GNA14: variants seen among roughly 807,000 people sequenced by gnomAD.
The protein encoded by GNA14 is G protein subunit alpha 14.
Under a neutral mutation model 42.0 loss-of-function variants are expected in GNA14, and 50 were observed. That is an observed-to-expected ratio of 1.19 (90% CI 0.95 to 1.51). GNA14 has a LOEUF of 1.51. Among genes scored for constraint, GNA14 ranks in the 40% most tolerant of loss-of-function variants. The pLI is 0.00. For synonymous variants in GNA14, 173 were observed against 163.1 expected, an observed-to-expected ratio of 1.06 and a Z score of -0.46; for missense variants, 473 against 446.2, an observed-to-expected ratio of 1.06 and a Z score of -0.54.
chr9:77,438,112 G>A (rs1564014016), intron 2 of GNA14, among the ~76,000 whole-genome samples: 1 of 152,176 alleles, frequency 6.6e-6, no homozygotes, highest in Non-Finnish European at 1.5e-5. Flanking sequence ...TTAGCCGGGT[G>A]AGGGGAATTT....
chr9:77,471,047 A>G (rs576756745), intron 2 of GNA14, among the ~76,000 whole-genome samples: 1 of 152,280 alleles, frequency 6.6e-6, no homozygotes, highest in East Asian at 1.9e-4. Flanking sequence ...ATCACCTTTG[A>G]GATGAGTTAA....
intron 1 of GNA14, among the ~76,000 whole-genome samples, chr9:77,594,114 C>T (rs1250829123): frequency 7.9e-5 from 12 of 152,132 alleles, no homozygotes; most frequent in African/African-American, 9.7e-5. Flanking sequence ...GAAACTCCAT[C>T]GTGGCACAGA....
At chr9:77,425,236 C>CA (rs1564009902) in intron 6 of GNA14, among the ~76,000 whole-genome samples, 1 of 152,120 alleles carries the variant, frequency 6.6e-6, no homozygotes, top group African/African-American at 2.4e-5. Context: ...AAGGAGGAGG[C>CA]ACCCTTCCTG....
Position 77,624,173 on chromosome 9 carries a change from T to A in GNA14, c.124+23497A>T, listed in dbSNP as rs543397524. ...AGCAGGGAAGTTCCAACAGAGCAGA[T>A]CCCCCCACAGCACTGCAAAGCCGCT... On this transcript the variant is annotated intron_variant, in intron 1 of 6. Coordinates refer to ENST00000341700, the MANE Select transcript of GNA14 (RefSeq NM_004297.4). 5.7e-4 allele frequency among the ~76,000 whole-genome samples: 87 copies of A among 152,104 alleles called. 1 individual carries two copies. The South Asian group carries it at 0.018, about 31-fold the overall frequency.
intron 1 of GNA14, among the ~76,000 whole-genome samples, chr9:77,548,071 G>A (rs1837741810): frequency 6.6e-6 from 1 of 152,134 alleles, no homozygotes; most frequent in African/African-American, 2.4e-5. Context: ...GTTGGAAAAG[G>A]TGCCTGAATC....
intron 2 of GNA14, among the ~76,000 whole-genome samples, chr9:77,490,200 A>G (rs1182648646): frequency 2.0e-5 from 3 of 151,880 alleles, no homozygotes; most frequent in Non-Finnish European, 4.4e-5. Flanking sequence ...ACAGAGTGTC[A>G]AATGGTGCAT....
At chr9:77,614,129 T>C (rs905023930) in intron 1 of GNA14, among the ~76,000 whole-genome samples, 4 of 152,220 alleles carry the variant, frequency 2.6e-5, no homozygotes, top group South Asian at 2.1e-4. Context: ...ATGTTCATGG[T>C]TGGCCAGCTT....
At chr9:77,485,971 C>G (rs1836653676) in intron 2 of GNA14, among the ~76,000 whole-genome samples, 2 of 152,106 alleles carry the variant, frequency 1.3e-5, no homozygotes, top group South Asian at 2.1e-4. Context: ...GGCATTAGTT[C>G]CAACTTAATG....
intron 2 of GNA14, among the ~76,000 whole-genome samples, chr9:77,525,370 A>C (rs1006741457): frequency 2.6e-5 from 4 of 152,064 alleles, no homozygotes; most frequent in Non-Finnish European, 5.9e-5. Flanking sequence ...TCCTTAAGCC[A>C]TTTTAGCATT....
chr9:77,554,400 A>G (rs7035476), intron 1 of GNA14, among the ~76,000 whole-genome samples: 20,132 of 152,186 alleles, frequency 0.13, 1,398 homozygotes, highest in African/African-American at 0.18. Flanking sequence ...TGAGCATGTC[A>G]TGCCTATTAG....
chr9:77,616,788 C>T (rs778417936), intron 1 of GNA14, among the ~76,000 whole-genome samples: 11 of 152,188 alleles, frequency 7.2e-5, no homozygotes, highest in Non-Finnish European at 1.3e-4. Context: ...AATAACTCCA[C>T]CTCCAGCTCT....
In GNA14 at chr9:77,593,508, T is replaced by C. The variant is rs139896080; in HGVS notation, c.124+54162A>G. Among the ~76,000 whole-genome samples, 826 of 152,200 alleles carry C rather than the reference T, an allele frequency of 5.4e-3. 11 individuals carry two copies. The highest frequency in any genetic ancestry group is 0.019 in the African/African-American group (776 of 41,512). ...TATTTTTAGTAGAGATGAGGTTTCA[T>C]CATGTTGGCCAGGCTGGTCTCGAAC... is the stretch of plus-strand genomic sequence containing the variant. On this transcript the variant is annotated intron_variant, in intron 1 of 6. Coordinates refer to ENST00000341700, the MANE Select transcript of GNA14 (RefSeq NM_004297.4).
Position 77,424,112 on chromosome 9 carries a change from T to C in GNA14, c.935A>G (p.Gln312Arg). 6.2e-7 allele frequency: 1 copy of C among 1,613,090 alleles called. No homozygotes were observed. The highest frequency in any genetic ancestry group is 1.1e-5 in the South Asian group (1 of 90,852). Residue 312 changes from glutamine to arginine, a missense_variant, in exon 7 of 7, where the codon CAG becomes CGG. Physicochemically the swap from Gln to Arg is conservative, Grantham distance 43. Coordinates refer to ENST00000341700, the MANE Select transcript of GNA14 (RefSeq NM_004297.4). The part of the protein sequence containing the change: ...RDFILKLYQD[Q>R]NPDKEKVIYS... ...GATGACTTTCTCTTTGTCAGGATTC[T>C]GATCTTGGTAAAGCTTCAGGATAAA...
intron 4 of GNA14, among the ~76,000 whole-genome samples, chr9:77,429,333 C>T (rs770958945): frequency 4.6e-5 from 7 of 152,104 alleles, no homozygotes; most frequent in African/African-American, 1.4e-4. Flanking sequence ...AAAACGCAAA[C>T]GTTCACTTGG....
At chr9:77,637,371 A>C (rs535296797) in intron 1 of GNA14, among the ~76,000 whole-genome samples, 2 of 152,170 alleles carry the variant, frequency 1.3e-5, no homozygotes, top group Non-Finnish European at 2.9e-5. Context: ...AAGGGAAAAA[A>C]ACAGAGATCT....
At chr9:77,510,791 A>G (rs1340698202) in intron 2 of GNA14, among the ~76,000 whole-genome samples, 1 of 152,242 alleles carries the variant, frequency 6.6e-6, no homozygotes, top group Non-Finnish European at 1.5e-5. Context: ...GGCAGCTCCC[A>G]GAACAGATGT....
intron 2 of GNA14, among the ~76,000 whole-genome samples, chr9:77,483,410 C>T (rs1190379871): frequency 1.3e-5 from 2 of 152,150 alleles, no homozygotes; most frequent in African/African-American, 2.4e-5. Context: ...GCAAATGCTG[C>T]TGCCTGATCG....
intron 1 of GNA14, among the ~76,000 whole-genome samples, chr9:77,572,027 C>T (rs1422189994): frequency 6.6e-6 from 1 of 151,902 alleles, no homozygotes; most frequent in African/African-American, 2.4e-5. Flanking sequence ...AATTGAGGAG[C>T]AACTGAAAGA....
At chr9:77,521,801 TA>T (rs1564041458) in intron 2 of GNA14, among the ~76,000 whole-genome samples, 1 of 152,196 alleles carries the variant, frequency 6.6e-6, no homozygotes, top group African/African-American at 2.4e-5. Flanking sequence ...TTTCCTAATA[TA>T]ATGTCTTTAT....
Sources: gnomAD v4.1 joint callset for allele counts (sites outside exome capture counted in the v4.1 genomes callset) on GRCh38, gnomAD v4.1.1 for gene constraint, MANE v1.5 for transcripts, NCBI Gene and HGNC (gene_info 2026-07-23, HGNC 2026-07-21) for gene names.